Variants in CLIC5 observed in about 807,000 individuals in gnomAD.
CLIC5 encodes chloride intracellular channel protein 5.
CLIC5 carries 20 observed loss-of-function variants against 24.7 expected under a neutral mutation model. That is an observed-to-expected ratio of 0.81 (90% confidence interval 0.57 to 1.18). CLIC5 has a LOEUF of 1.18. CLIC5 is among the 50% of genes most tolerant of loss of function. The probability of loss-of-function intolerance (pLI) is 0.00; values close to 1 mark genes in which losing one functional copy is unlikely to be tolerated. For missense variants in CLIC5, 341 were observed against 326.1 expected (o/e 1.05, Z -0.35); for synonymous variants, 159 against 135.6 (o/e 1.17, Z -1.20).
At chr6:45,920,956 A>G (rs1477256926) in intron 4 of CLIC5, among the ~76,000 whole-genome samples, 1 of 152,224 alleles carries the variant, frequency 6.6e-6, no homozygotes, top group East Asian at 1.9e-4. Flanking sequence ...AGAAAACTTT[A>G]CATAAAGATC....
chr6:45,903,086 G>C lies in CLIC5; in HGVS notation c.*2C>G. ...AGCGGGGATGGGGCAAAATGGCTGTGCTCAGGATCGGCTGAGGCGTTTGGC... is the reference window on the plus strand; with the variant it reads ...AGCGGGGATGGGGCAAAATGGCTGTCCTCAGGATCGGCTGAGGCGTTTGGC... On this transcript the variant is annotated 3_prime_UTR_variant, in exon 6 of 6. Coordinates refer to ENST00000339561, the MANE Select transcript of CLIC5 (RefSeq NM_016929.5). 3.1e-6 allele frequency: 5 copies of C among 1,614,132 alleles called. No individual in the cohort carries two copies. Among genetic ancestry groups the C allele is most frequent in the Non-Finnish European group, 4.2e-6 (5 of 1,180,002 alleles).
chr6:45,909,135 G>A (rs112243105), intron 5 of CLIC5, among the ~76,000 whole-genome samples: 1 of 151,116 alleles, frequency 6.6e-6, no homozygotes, highest in Non-Finnish European at 1.5e-5. Flanking sequence ...TTGTGTAATA[G>A]ATCTTTCTTC....
exon 1 of CLIC5, chr6:46,079,825 T>C (rs1442145310): frequency 1.9e-6 from 3 of 1,552,144 alleles, no homozygotes; most frequent in African/African-American, 2.7e-5. Context: ...ATGGTGAAGC[T>C]TGAAGGAGAA....
At chr6:46,080,063 T>C (rs1397495275) in exon 1 of CLIC5, 1 of 1,551,718 alleles carries the variant, frequency 6.4e-7, no homozygotes. Flanking sequence ...TGGTATAGAC[T>C]GACACAAAAT....
intron 1 of CLIC5, among the ~76,000 whole-genome samples, chr6:46,042,861 C>A (rs1420600015): frequency 6.6e-6 from 1 of 152,136 alleles, no homozygotes; most frequent in Non-Finnish European, 1.5e-5. Context: ...AGAATCCAGA[C>A]CTCAGACACT....
At chr6:46,114,896 G>GGGT in the CLIC5 span, among the ~76,000 whole-genome samples, 273 of 152,270 alleles carry the variant, frequency 1.8e-3, no homozygotes, top group African/African-American at 6.3e-3. Context: ...TGGAGGTCAT[G>GGGT]GGTGGCTAGG....
intron 4 of CLIC5, among the ~76,000 whole-genome samples, chr6:45,940,348 C>T (rs1484740273): frequency 6.6e-6 from 1 of 152,238 alleles, no homozygotes; most frequent in East Asian, 1.9e-4. Context: ...ATCTGCCAGG[C>T]ATTGAAGACT....
At chr6:46,045,163 C>G (rs1767919945) in intron 1 of CLIC5, among the ~76,000 whole-genome samples, 1 of 152,154 alleles carries the variant, frequency 6.6e-6, no homozygotes, top group Non-Finnish European at 1.5e-5. Flanking sequence ...GAGGAATTAG[C>G]TTCCTCTTTT....
chr6:46,098,816 G>C, the CLIC5 span, among the ~76,000 whole-genome samples: 2 of 152,168 alleles, frequency 1.3e-5, no homozygotes, highest in South Asian at 4.1e-4. Context: ...GGGCAGTGGA[G>C]GGAGGTTGTG....
chr6:46,005,945 A>G (rs1410395836), intron 1 of CLIC5, among the ~76,000 whole-genome samples: 1 of 147,720 alleles, frequency 6.8e-6, no homozygotes, highest in Non-Finnish European at 1.5e-5. Context: ...ATTTTGTCAT[A>G]GCAGCTCAAA....
At chr6:46,062,904 G>T (rs913094755) in intron 1 of CLIC5, among the ~76,000 whole-genome samples, 4 of 152,212 alleles carry the variant, frequency 2.6e-5, no homozygotes, top group African/African-American at 9.7e-5. Context: ...GAGGTTAAAA[G>T]ATGAAGTGAC....
chr6:46,027,108 GTCT>G (rs1289070173), intron 1 of CLIC5, among the ~76,000 whole-genome samples: 1 of 152,172 alleles, frequency 6.6e-6, no homozygotes, highest in Non-Finnish European at 1.5e-5. Flanking sequence ...TGCCTGGTGG[GTCT>G]TGCAATCCAT....
chr6:46,086,236 G>A, the CLIC5 span, among the ~76,000 whole-genome samples: 4 of 152,180 alleles, frequency 2.6e-5, no homozygotes, highest in South Asian at 2.1e-4. Flanking sequence ...GCTCGTGCAC[G>A]GTGCACTGCA....
intron 1 of CLIC5, among the ~76,000 whole-genome samples, chr6:46,038,978 A>C (rs1325567798): frequency 6.6e-6 from 1 of 152,238 alleles, no homozygotes; most frequent in Non-Finnish European, 1.5e-5. Context: ...TAAGAATATC[A>C]TTAAATGCAT....
chr6:45,954,209 G>T (rs892829582), intron 2 of CLIC5, among the ~76,000 whole-genome samples: 3 of 149,164 alleles, frequency 2.0e-5, no homozygotes, highest in Admixed American at 6.7e-5. Context: ...GGAGGCAGAG[G>T]TTGCAGTGAG....
chr6:45,930,630 T>G (rs1033867899), intron 4 of CLIC5, among the ~76,000 whole-genome samples: 1 of 152,180 alleles, frequency 6.6e-6, no homozygotes, highest in Non-Finnish European at 1.5e-5. Context: ...GGGCAGCACA[T>G]GCTTCCTCAT....
At chr6:46,100,177 G>A in the CLIC5 span, among the ~76,000 whole-genome samples, 4 of 152,172 alleles carry the variant, frequency 2.6e-5, no homozygotes, top group East Asian at 3.9e-4. Flanking sequence ...TTCATCATCC[G>A]CCTTTGACCT....
intron 1 of CLIC5, among the ~76,000 whole-genome samples, chr6:46,008,817 G>T (rs546595372): frequency 6.6e-6 from 1 of 152,266 alleles, no homozygotes; most frequent in East Asian, 1.9e-4. Flanking sequence ...AGTGATTCAT[G>T]TGAACCAGCA....
the CLIC5 span, among the ~76,000 whole-genome samples, chr6:46,112,311 A>G: frequency 1.3e-5 from 2 of 152,178 alleles, no homozygotes; most frequent in Non-Finnish European, 2.9e-5. Flanking sequence ...AAGGTCTAAA[A>G]GAAACATTTA....
Sources: gnomAD v4.1 joint callset for allele counts (sites outside exome capture counted in the v4.1 genomes callset) on GRCh38, gnomAD v4.1.1 for gene constraint, MANE v1.5 for transcripts, NCBI Gene and HGNC (gene_info 2026-07-23, HGNC 2026-07-21) for gene names.